Variants in POU6F2 observed in about 807,000 individuals in gnomAD.
POU6F2 encodes POU class 6 homeobox 2.
POU6F2 carries 31 observed loss-of-function variants against 71.3 expected under a neutral mutation model. The observed-to-expected ratio is 0.43, with a 90% CI of 0.33 to 0.59. The LOEUF is 0.59. POU6F2 is among the 20% of genes least tolerant of loss of function. POU6F2 has a pLI of 0.04. For missense variants in POU6F2, 783 were observed against 856.8 expected (o/e 0.91, Z 1.07); for synonymous variants, 347 against 355.7 (o/e 0.98, Z 0.27).
chr7:39,350,595 A>G (rs952728842), intron 5 of POU6F2, among the ~76,000 whole-genome samples: 2 of 152,238 alleles, frequency 1.3e-5, no homozygotes, highest in Non-Finnish European at 2.9e-5. Context: ...GCAGAAAGTT[A>G]TGAAAGGCAG....
chr7:39,124,048 C>CTTTTT (rs367553456), intron 2 of POU6F2, among the ~76,000 whole-genome samples: 4 of 130,182 alleles, frequency 3.1e-5, no homozygotes, highest in East Asian at 2.2e-4. Flanking sequence ...TAGACTGGGC[C>CTTTTT]TTTTTTTTTT....
chr7:39,261,141 T>A (rs1784133279), intron 4 of POU6F2, among the ~76,000 whole-genome samples: 1 of 152,034 alleles, frequency 6.6e-6, no homozygotes, highest in East Asian at 1.9e-4. Context: ...CAATGAAAGC[T>A]GCCACAGAGA....
At chr7:39,098,832 G>T (rs1791511252) in intron 2 of POU6F2, among the ~76,000 whole-genome samples, 1 of 152,228 alleles carries the variant, frequency 6.6e-6, no homozygotes, top group Non-Finnish European at 1.5e-5. Flanking sequence ...ACGTTGTTAA[G>T]AGTTGAAAAT....
chr7:39,221,788 A>G (rs1232080296), intron 4 of POU6F2, among the ~76,000 whole-genome samples: 1 of 152,254 alleles, frequency 6.6e-6, no homozygotes, highest in Admixed American at 6.5e-5. Context: ...CAAAAACAAT[A>G]TAAAGCAAGA....
chr7:38,996,653 T>C (rs1788747052), intron 1 of POU6F2, among the ~76,000 whole-genome samples: 1 of 152,198 alleles, frequency 6.6e-6, no homozygotes, highest in Non-Finnish European at 1.5e-5. Flanking sequence ...CCACTCCACC[T>C]GAAAGAATAA....
At chr7:39,100,051 T>G (rs1052290878) in intron 2 of POU6F2, among the ~76,000 whole-genome samples, 3 of 152,234 alleles carry the variant, frequency 2.0e-5, no homozygotes, top group Non-Finnish European at 4.4e-5. Flanking sequence ...TTTCTGCCCC[T>G]AAATGGAAGT....
chr7:39,258,963 C>T (rs955076232), intron 4 of POU6F2, among the ~76,000 whole-genome samples: 35 of 152,162 alleles, frequency 2.3e-4, no homozygotes, highest in African/African-American at 8.0e-4. Context: ...GGGTGAATTG[C>T]ACCTAATTTT....
At chr7:39,333,566 ATC>A (rs892564304) in intron 4 of POU6F2, among the ~76,000 whole-genome samples, 42 of 152,112 alleles carry the variant, frequency 2.8e-4, no homozygotes, top group African/African-American at 9.4e-4. Flanking sequence ...GTGAAACCCC[ATC>A]TCTACCAAAA....
At chr7:39,336,604 C>G (rs962470743) in intron 4 of POU6F2, among the ~76,000 whole-genome samples, 1 of 152,206 alleles carries the variant, frequency 6.6e-6, no homozygotes, top group Non-Finnish European at 1.5e-5. Flanking sequence ...CCTTCCTCCT[C>G]AGCGTGGGTT....
At chr7:39,031,476 C>A (rs35218421) in intron 1 of POU6F2, among the ~76,000 whole-genome samples, 32,481 of 152,040 alleles carry the variant, frequency 0.21, 3,684 homozygotes, top group South Asian at 0.37. Context: ...GAATATGTAA[C>A]AAAACACCTA....
chr7:39,214,557 T>G (rs191865284), intron 4 of POU6F2, among the ~76,000 whole-genome samples: 68 of 152,338 alleles, frequency 4.5e-4, no homozygotes, highest in Admixed American at 4.4e-3. Flanking sequence ...TATGATGTAT[T>G]GCTAATGTGC....
At chr7:39,216,538 T>G (rs1794245879) in intron 4 of POU6F2, among the ~76,000 whole-genome samples, 1 of 152,052 alleles carries the variant, frequency 6.6e-6, no homozygotes, top group Non-Finnish European at 1.5e-5. Context: ...CAGGTGAATT[T>G]AAAGGAGTAC....
At chr7:39,194,223 A>G (rs1020761568) in intron 2 of POU6F2, among the ~76,000 whole-genome samples, 1 of 152,252 alleles carries the variant, frequency 6.6e-6, no homozygotes, top group South Asian at 2.1e-4. Context: ...TCTACGATGA[A>G]ACAGTCACTG....
chr7:39,302,140 A>G (rs1562782547), intron 4 of POU6F2, among the ~76,000 whole-genome samples: 2 of 152,150 alleles, frequency 1.3e-5, no homozygotes, highest in East Asian at 3.8e-4. Context: ...GAAATTTTTT[A>G]CATTTTCTCA....
chr7:39,090,021 A>G (rs977209452), intron 2 of POU6F2, among the ~76,000 whole-genome samples: 4 of 152,032 alleles, frequency 2.6e-5, no homozygotes, highest in African/African-American at 9.7e-5. Flanking sequence ...CTGAGATGGA[A>G]CTGCAAAACC....
rs1784867290 is a variant in POU6F2 at position 39,297,236 on chromosome 7, C to CAT, written c.599-42405_599-42404dup. Among the ~76,000 whole-genome samples the CAT allele has an allele frequency of 6.0e-5, 9 of 149,088 alleles. No individual in the cohort carries two copies. The South Asian group carries it at 1.5e-3, about 25-fold the overall frequency. On this transcript the variant is annotated intron_variant, in intron 4 of 9. Transcript: ENST00000518318. ...ACACACACACACACACACACACACA[C>CAT]ATGAATTCACATATACGTGCACATT...
At chr7:38,997,240 T>C (rs895839698) in intron 1 of POU6F2, among the ~76,000 whole-genome samples, 12 of 152,170 alleles carry the variant, frequency 7.9e-5, no homozygotes, top group African/African-American at 2.4e-4. Context: ...TTCTGAAACA[T>C]GAGGTCATGC....
intron 1 of POU6F2, among the ~76,000 whole-genome samples, chr7:39,079,978 A>G (rs1342632924): frequency 1.3e-5 from 2 of 152,236 alleles, no homozygotes; most frequent in Non-Finnish European, 2.9e-5. Context: ...TTAAAATAAA[A>G]TAATCCGTTG....
At chr7:39,153,155 T>C (rs565551829) in intron 2 of POU6F2, among the ~76,000 whole-genome samples, 5 of 152,270 alleles carry the variant, frequency 3.3e-5, no homozygotes, top group East Asian at 1.9e-4. Context: ...GTGTCAAAAC[T>C]AGCAGCCAGT....
Sources: allele counts gnomAD v4.1 joint callset (sites outside exome capture counted in the v4.1 genomes callset), GRCh38; gene constraint gnomAD v4.1.1; transcripts MANE v1.5; gene names NCBI Gene and HGNC (gene_info 2026-07-23, HGNC 2026-07-21).